WWOX: variants seen among roughly 807,000 people sequenced by gnomAD.
The protein encoded by WWOX is WW domain-containing oxidoreductase.
In WWOX, 69 loss-of-function variants were observed where a neutral mutation model predicts 46.2. The ratio of observed to expected loss-of-function variants is 1.49; its 90% CI spans 1.23 to 1.82. WWOX has a LOEUF of 1.82. Among genes scored for constraint, WWOX ranks in the 40% most tolerant of loss-of-function variants. WWOX has a pLI of 0.00. For synonymous variants in WWOX, 359 were observed against 202.6 expected, an observed-to-expected ratio of 1.77 and a Z score of -6.56; for missense variants, 919 against 542.6, an observed-to-expected ratio of 1.69 and a Z score of -6.89.
chr16:78,239,887 G>C (rs2037579689), intron 5 of WWOX, among the ~76,000 whole-genome samples: 1 of 152,112 alleles, frequency 6.6e-6, no homozygotes, highest in African/African-American at 2.4e-5. Context: ...GACTCACAGG[G>C]AATGGGACCA....
At chr16:78,394,289 C>G (rs1394086552) in intron 6 of WWOX, among the ~76,000 whole-genome samples, 1 of 152,140 alleles carries the variant, frequency 6.6e-6, no homozygotes, top group African/African-American at 2.4e-5. Flanking sequence ...AAAAGAAAAA[C>G]AGAGGCAGTT....
rs182197733 is a variant in WWOX, at chr16:78,519,411, T to G, written c.1056+86659T>G. 7.0e-3 allele frequency among the ~76,000 whole-genome samples: 1,072 copies of G among 152,234 alleles called. 10 individuals are homozygous for G. Among genetic ancestry groups the G allele is most frequent in the Non-Finnish European group, 0.011 (731 of 68,012 alleles). ...CTACCCTCTTCCCACGTCAGACCTTTCCATGGAAGGTAAAACATGTTAACA... is the reference window on the plus strand; with the variant it reads ...CTACCCTCTTCCCACGTCAGACCTTGCCATGGAAGGTAAAACATGTTAACA... On this transcript the variant is annotated intron_variant, in intron 8 of 8. Transcript: ENST00000566780.
chr16:78,378,964 G>A (rs921975246), intron 5 of WWOX, among the ~76,000 whole-genome samples: 4 of 152,318 alleles, frequency 2.6e-5, no homozygotes, highest in African/African-American at 9.6e-5. Context: ...GAACAGCCCA[G>A]TGTGGCAGTC....
At chr16:78,772,344 C>T (rs546961333) in intron 8 of WWOX, among the ~76,000 whole-genome samples, 22 of 152,210 alleles carry the variant, frequency 1.4e-4, no homozygotes, top group East Asian at 5.8e-4. Context: ...CTTCTAGCCC[C>T]GTCCGTGTTC....
intron 8 of WWOX, among the ~76,000 whole-genome samples, chr16:78,721,073 C>G (rs550604664): frequency 6.6e-6 from 1 of 152,056 alleles, no homozygotes; most frequent in South Asian, 2.1e-4. Context: ...TATTGGTGAT[C>G]ACTTGTAGAT....
intron 8 of WWOX, among the ~76,000 whole-genome samples, chr16:78,509,449 AAAT>A (rs1262981688): frequency 6.6e-6 from 1 of 151,812 alleles, no homozygotes; most frequent in African/African-American, 2.4e-5. Flanking sequence ...AAAAAAAAAA[AAAT>A]AATATAATAA....
chr16:78,835,496 G>C (rs1287738831), intron 8 of WWOX, among the ~76,000 whole-genome samples: 2 of 152,214 alleles, frequency 1.3e-5, no homozygotes, highest in East Asian at 3.8e-4. Flanking sequence ...AGAGAAGGTG[G>C]AGTGATACTG....
At chr16:79,124,110 C>G (rs770536047) in intron 8 of WWOX, among the ~76,000 whole-genome samples, 6 of 152,132 alleles carry the variant, frequency 3.9e-5, no homozygotes, top group Non-Finnish European at 7.4e-5. Flanking sequence ...TAACTATAGC[C>G]TTGGCCTCAA....
chr16:78,541,844 C>T (rs1418751766), intron 8 of WWOX, among the ~76,000 whole-genome samples: 1 of 151,880 alleles, frequency 6.6e-6, no homozygotes, highest in African/African-American at 2.4e-5. Context: ...TTCTGGTTTT[C>T]TGATTTTTGT....
chr16:79,094,734 G>A (rs1187408880), intron 8 of WWOX, among the ~76,000 whole-genome samples: 1 of 151,926 alleles, frequency 6.6e-6, no homozygotes, highest in Admixed American at 6.6e-5. Context: ...AGATAAACCT[G>A]GAATGAGGAA....
intron 8 of WWOX, among the ~76,000 whole-genome samples, chr16:79,015,070 C>T (rs1443702299): frequency 6.6e-6 from 1 of 152,142 alleles, no homozygotes; most frequent in Non-Finnish European, 1.5e-5. Context: ...CATCCTGAAC[C>T]TCTGTCTTTC....
intron 8 of WWOX, among the ~76,000 whole-genome samples, chr16:78,661,335 T>C (rs978227743): frequency 6.6e-6 from 1 of 152,170 alleles, no homozygotes; most frequent in Admixed American, 6.5e-5. Flanking sequence ...TATGTTGCTA[T>C]TGTATCGTAA....
chr16:78,892,921 A>G (rs755479474), intron 8 of WWOX, among the ~76,000 whole-genome samples: 25 of 152,202 alleles, frequency 1.6e-4, no homozygotes, highest in African/African-American at 5.5e-4. Context: ...ACAAAGGGCA[A>G]TGAAGGGTCT....
intron 8 of WWOX, among the ~76,000 whole-genome samples, chr16:78,973,874 C>G (rs1163757896): frequency 1.3e-5 from 2 of 152,214 alleles, no homozygotes; most frequent in African/African-American, 4.8e-5. Context: ...AAATTTCTAT[C>G]TCCAACTAGG....
At position 78,429,023 on chromosome 16, in the gene WWOX, C is replaced by G. The variant is rs145501033; in HGVS notation, c.792-3465C>G. 4.3e-3 allele frequency among the ~76,000 whole-genome samples: 659 copies of G among 152,260 alleles called. 2 individuals are homozygous for G. The highest frequency in any genetic ancestry group is 0.024 in the Middle Eastern group (7 of 294). On this transcript the variant is annotated intron_variant, in intron 7 of 8. Coordinates refer to ENST00000566780, the MANE Select transcript of WWOX (RefSeq NM_016373.4). Reference sequence around the variant, plus strand: ...GTTCCTTTGTTTTTTTTATTAAGGACTTGGTCCTTGGATTGGAATTCCAAA... The same window carrying G: ...GTTCCTTTGTTTTTTTTATTAAGGAGTTGGTCCTTGGATTGGAATTCCAAA...
At chr16:78,576,641 T>G (rs2044887586) in intron 8 of WWOX, among the ~76,000 whole-genome samples, 1 of 152,202 alleles carries the variant, frequency 6.6e-6, no homozygotes, top group Non-Finnish European at 1.5e-5. Context: ...GTGACCAGCC[T>G]GGGCACTATA....
At chr16:78,197,073 T>C (rs903652920) in intron 5 of WWOX, among the ~76,000 whole-genome samples, 1 of 152,224 alleles carries the variant, frequency 6.6e-6, no homozygotes, top group African/African-American at 2.4e-5. Context: ...GAGCCAGCTC[T>C]GCACCAGACT....
chr16:79,105,139 C>G (rs2049282600), intron 8 of WWOX, among the ~76,000 whole-genome samples: 1 of 152,084 alleles, frequency 6.6e-6, no homozygotes, highest in Non-Finnish European at 1.5e-5. Context: ...TCCTGTAGCC[C>G]CAGAGCCTCT....
chr16:78,872,124 T>A (rs2252435), intron 8 of WWOX, among the ~76,000 whole-genome samples: 46,482 of 152,148 alleles, frequency 0.31, 7,544 homozygotes, highest in Middle Eastern at 0.47. Context: ...GAGGAACGGA[T>A]TTATAAAGGA....
Sources: allele counts gnomAD v4.1 joint callset (sites outside exome capture counted in the v4.1 genomes callset), GRCh38; gene constraint gnomAD v4.1.1; transcripts MANE v1.5; gene names NCBI Gene and HGNC (gene_info 2026-07-23, HGNC 2026-07-21).